XRCC4: variants seen among roughly 807,000 people sequenced by gnomAD.
XRCC4 encodes the protein X-ray repair cross complementing 4.
A neutral mutation model predicts 39.1 loss-of-function variants in XRCC4; 28 were observed. That is an observed-to-expected ratio of 0.72 (90% CI 0.53 to 0.98). XRCC4 has a LOEUF of 0.98. Among genes scored for constraint, XRCC4 ranks in the 50% least tolerant of loss-of-function variants. XRCC4 has a pLI of 0.00. For synonymous variants in XRCC4, 123 were observed against 126.4 expected (o/e 0.97, Z 0.18); for missense variants, 350 against 376.4 (o/e 0.93, Z 0.58).
intron 1 of XRCC4, among the ~76,000 whole-genome samples, chr5:83,093,937 C>CAAAGGAAAA: frequency 6.6e-6 from 1 of 152,160 alleles, no homozygotes; most frequent in East Asian, 2.0e-4. Context: ...TATCAGCCCA[C>CAAAGGAAAA]TCTCTCCTGG....
At chr5:83,369,592 A>G in the XRCC4 span, among the ~76,000 whole-genome samples, 3 of 152,174 alleles carry the variant, frequency 2.0e-5, no homozygotes, top group Non-Finnish European at 4.4e-5. Flanking sequence ...ATTCTGTTTT[A>G]TGGCTGCATA....
At chr5:83,092,214 G>A (rs1745461764) in intron 1 of XRCC4, among the ~76,000 whole-genome samples, 1 of 151,996 alleles carries the variant, frequency 6.6e-6, no homozygotes, top group Non-Finnish European at 1.5e-5. Context: ...TATCTGTTTT[G>A]TTTCTATAGA....
intron 7 of XRCC4, among the ~76,000 whole-genome samples, chr5:83,312,955 C>G (rs1755754384): frequency 1.3e-5 from 2 of 152,056 alleles, no homozygotes; most frequent in African/African-American, 2.4e-5. Flanking sequence ...AGAACACTTG[C>G]AAAATTCATT....
At chr5:83,348,206 T>C (rs1267053379) in intron 7 of XRCC4, among the ~76,000 whole-genome samples, 1 of 151,898 alleles carries the variant, frequency 6.6e-6, no homozygotes, top group East Asian at 1.9e-4. Flanking sequence ...GGATGGTGGC[T>C]GTCTTCTCAC....
intron 1 of XRCC4, among the ~76,000 whole-genome samples, chr5:83,084,280 T>G (rs1745085685): frequency 6.6e-6 from 1 of 152,220 alleles, no homozygotes; most frequent in Admixed American, 6.5e-5. Context: ...AGGGAGTTAA[T>G]GCATTGTATA....
At chr5:83,080,156 A>G (rs1359981860) in intron 1 of XRCC4, among the ~76,000 whole-genome samples, 1 of 152,230 alleles carries the variant, frequency 6.6e-6, no homozygotes, top group African/African-American at 2.4e-5. Context: ...CACTAAATAC[A>G]GTAGTCCCTC....
intron 6 of XRCC4, among the ~76,000 whole-genome samples, chr5:83,237,984 T>C (rs1429962970): frequency 1.3e-5 from 2 of 152,158 alleles, no homozygotes; most frequent in East Asian, 1.9e-4. Context: ...ATGTTTAAAA[T>C]ATTCTTGGAA....
At chr5:83,171,402 A>G (rs549905081) in intron 3 of XRCC4, among the ~76,000 whole-genome samples, 3 of 152,266 alleles carry the variant, frequency 2.0e-5, no homozygotes, top group African/African-American at 2.4e-5. Flanking sequence ...AATATAGTCT[A>G]TAGATATTTT....
intron 7 of XRCC4, among the ~76,000 whole-genome samples, chr5:83,322,759 C>T (rs1756120232): frequency 6.6e-6 from 1 of 152,114 alleles, no homozygotes; most frequent in South Asian, 2.1e-4. Flanking sequence ...AATGCTACAA[C>T]CACAAAAAGC....
chr5:83,167,129 G>A (rs547012814), intron 3 of XRCC4, among the ~76,000 whole-genome samples: 10 of 152,110 alleles, frequency 6.6e-5, no homozygotes, highest in East Asian at 1.9e-4. Flanking sequence ...TGATTCACGC[G>A]CCTTGGCCTC....
intron 3 of XRCC4, among the ~76,000 whole-genome samples, chr5:83,191,598 G>A (rs903940813): frequency 2.2e-4 from 33 of 152,200 alleles, no homozygotes; most frequent in African/African-American, 7.2e-4. Flanking sequence ...TACTCAGGAG[G>A]CTGAGGCAGG....
intron 7 of XRCC4, chr5:83,311,110 T>C: frequency 4.4e-6 from 1 of 227,484 alleles, no homozygotes; most frequent in Non-Finnish European, 9.0e-6. Flanking sequence ...CATAAGAAAC[T>C]AATACACATA....
chr5:83,325,321 A>G (rs1458867738), intron 7 of XRCC4, among the ~76,000 whole-genome samples: 1 of 151,914 alleles, frequency 6.6e-6, no homozygotes, highest in African/African-American at 2.4e-5. Flanking sequence ...TTTTATTTTA[A>G]GTTCAGGGGT....
chr5:83,345,133 A>C (rs369614631), intron 7 of XRCC4, among the ~76,000 whole-genome samples: 30 of 152,152 alleles, frequency 2.0e-4, no homozygotes, highest in African/African-American at 5.1e-4. Flanking sequence ...TGTTACTAGC[A>C]TATGTCGCAG....
chr5:83,114,908 A>C (rs1205765616), intron 3 of XRCC4, among the ~76,000 whole-genome samples: 1 of 152,184 alleles, frequency 6.6e-6, no homozygotes, highest in African/African-American at 2.4e-5. Flanking sequence ...AATGATTCAC[A>C]GTTCCACATG....
chr5:83,358,923 C>G, the XRCC4 span, among the ~76,000 whole-genome samples: 1 of 152,206 alleles, frequency 6.6e-6, no homozygotes, highest in Non-Finnish European at 1.5e-5. Context: ...GATGCCTTAT[C>G]AAGATGGCCA....
chr5:83,229,323 A>C (rs1752404984), intron 6 of XRCC4, among the ~76,000 whole-genome samples: 1 of 152,014 alleles, frequency 6.6e-6, no homozygotes, highest in South Asian at 2.1e-4. Flanking sequence ...TGCAAGGTAC[A>C]TTAACTAACA....
downstream of XRCC4, chr5:83,356,796 T>G: frequency 2.2e-6 from 1 of 448,792 alleles, no homozygotes; most frequent in South Asian, 1.6e-5. Context: ...CAGCATGGCT[T>G]TTTTGACCTT....
intron 3 of XRCC4, among the ~76,000 whole-genome samples, chr5:83,193,545 G>A (rs1006790622): frequency 6.6e-6 from 1 of 152,190 alleles, no homozygotes; most frequent in Non-Finnish European, 1.5e-5. Flanking sequence ...GTGATATTTT[G>A]AAAGAAGTTG....
Sources: allele counts gnomAD v4.1 joint callset (sites outside exome capture counted in the v4.1 genomes callset), GRCh38; gene constraint gnomAD v4.1.1; transcripts MANE v1.5; gene names NCBI Gene and HGNC (gene_info 2026-07-23, HGNC 2026-07-21).